Variants in ABCC4 observed in about 807,000 individuals in gnomAD.
The protein encoded by ABCC4 is ATP binding cassette subfamily C member 4 (PEL blood group), also known as ATP-binding cassette sub-family C member 4.
Under a neutral mutation model 168.5 loss-of-function variants are expected in ABCC4, and 102 were observed. The observed-to-expected ratio is 0.61, with a 90% CI of 0.52 to 0.71. The LOEUF is 0.71. Among genes scored for constraint, ABCC4 ranks in the 30% least tolerant of loss-of-function variants. The pLI, the probability that ABCC4 is intolerant of heterozygous loss-of-function variation, is 0.00. For missense variants in ABCC4, 1,402 were observed against 1,605.8 expected (o/e 0.87, Z 2.17); for synonymous variants, 617 against 590.7 (o/e 1.04, Z -0.65).
chr13:95,185,630 C>CATTT (rs1396482750), intron 11 of ABCC4, among the ~76,000 whole-genome samples: 2 of 150,938 alleles, frequency 1.3e-5, no homozygotes, highest in African/African-American at 5.0e-5. Flanking sequence ...GTCCAGGCCA[C>CATTT]ACTGCACAGG....
At chr13:95,164,552 A>T (rs1343529504) in intron 15 of ABCC4, 34 bp from the exon 16 acceptor site, 1 of 1,612,114 alleles carries the variant, frequency 6.2e-7, no homozygotes, top group African/African-American at 1.3e-5. Flanking sequence ...GAGACAAAAC[A>T]GTATACAAAA....
chr13:95,211,125 A>C (rs546480005), intron 4 of ABCC4, among the ~76,000 whole-genome samples: 2 of 152,360 alleles, frequency 1.3e-5, no homozygotes, highest in African/African-American at 4.8e-5. Flanking sequence ...CAGAGGAACA[A>C]AATGAGAGGA....
At chr13:95,181,089 C>T (rs780321105) in intron 11 of ABCC4, among the ~76,000 whole-genome samples, 8 of 152,212 alleles carry the variant, frequency 5.3e-5, no homozygotes, top group African/African-American at 1.4e-4. Context: ...ATCTCATGCA[C>T]GTTAGGTACC....
chr13:95,268,682 A>G (rs2040752433), intron 1 of ABCC4, among the ~76,000 whole-genome samples: 1 of 152,198 alleles, frequency 6.6e-6, no homozygotes, highest in Admixed American at 6.5e-5. Flanking sequence ...ACATCAAAGC[A>G]CACAGCACCT....
Position 95,071,680 on chromosome 13 carries a change from G to A in ABCC4, c.3192C>T (p.Leu1064=), listed in dbSNP as rs367780280. The A allele has an allele frequency of 3.9e-5, 58 of 1,471,198 alleles. No homozygotes were observed. The highest frequency in any genetic ancestry group is 7.6e-5 in the Admixed American group (3 of 39,416). 91.1% of individuals were successfully genotyped at this position (1,471,198 alleles called of 1,614,324 possible). The part of the protein sequence containing the change: ...GPLVLKHLTA[L]IKSQEKVGIV... ...AACAAACCTTTTCTTGTGATTTAAT[G>A]AGTGCTGTCAGATGCTTCAGTACCA... is the stretch of plus-strand genomic sequence containing the variant. Residue 1064 remains leucine (L), a synonymous_variant, in exon 25 of 31, where the codon CTC becomes CTT. Coordinates refer to ENST00000645237, the MANE Select transcript of ABCC4 (RefSeq NM_005845.5).
At chr13:95,190,676 G>GAC (rs2038224898) in intron 9 of ABCC4, among the ~76,000 whole-genome samples, 1 of 152,154 alleles carries the variant, frequency 6.6e-6, no homozygotes, top group African/African-American at 2.4e-5. Context: ...TCCAAACCCA[G>GAC]ACATCAACAC....
At chr13:95,143,947 T>C (rs867717232) in intron 19 of ABCC4, among the ~76,000 whole-genome samples, 5 of 152,336 alleles carry the variant, frequency 3.3e-5, no homozygotes, top group South Asian at 4.1e-4. Context: ...AGCAAGTTTA[T>C]GTAACAGCTG....
intron 4 of ABCC4, 49 bp downstream of exon 4, chr13:95,234,561 C>T (rs1474638296): frequency 2.0e-6 from 3 of 1,481,082 alleles, no homozygotes; most frequent in Non-Finnish European, 2.8e-6. Context: ...CCTCAGAATG[C>T]TTCTGATGCT....
chr13:95,275,090 A>G (rs1296197562), intron 1 of ABCC4, among the ~76,000 whole-genome samples: 1 of 152,190 alleles, frequency 6.6e-6, no homozygotes, highest in Non-Finnish European at 1.5e-5. Context: ...AAATAAAATA[A>G]AACAGGTTTT....
At chr13:95,219,266 C>A (rs2039244045) in intron 4 of ABCC4, among the ~76,000 whole-genome samples, 1 of 152,128 alleles carries the variant, frequency 6.6e-6, no homozygotes, top group South Asian at 2.1e-4. Flanking sequence ...AAAACAAGCC[C>A]CAACTGAACT....
rs182308522 is a variant in ABCC4 at position 95,234,850 on chromosome 13, G to A, written c.307-16C>T. 1,043 of 1,506,762 alleles carry A rather than the reference G, an allele frequency of 6.9e-4. 1 individual carries two copies. Among genetic ancestry groups the A allele is most frequent in the South Asian group, 1.6e-3 (127 of 81,040 alleles). 93.3% of individuals were successfully genotyped at this position (1,506,762 alleles called of 1,614,324 possible). ...TGGCACTTTCCTAAAAGAAGAAAAA[G>A]AAAAGCCTTTAATTAGACATACAGA... On this transcript the variant is annotated splice_polypyrimidine_tract_variant and intron_variant, in intron 3 of 30. Transcript: ENST00000645237.
chr13:95,164,221 C>T (rs4148502), intron 16 of ABCC4, among the ~76,000 whole-genome samples, 157 bp downstream of exon 16: 1,757 of 152,142 alleles, frequency 0.012, 99 homozygotes, highest in Admixed American at 0.09. Flanking sequence ...GTCTTTGTAA[C>T]GGACATGGAA....
At chr13:95,065,837 T>C (rs377385902) in intron 25 of ABCC4, among the ~76,000 whole-genome samples, 1 of 152,340 alleles carries the variant, frequency 6.6e-6, no homozygotes, top group East Asian at 1.9e-4. Context: ...TTAATCAACA[T>C]TAGTTTGATT....
At chr13:95,290,020 C>CGGGAGGCAGAGGTTGCG (rs1203756341) in intron 1 of ABCC4, among the ~76,000 whole-genome samples, 2 of 151,780 alleles carry the variant, frequency 1.3e-5, no homozygotes, top group Non-Finnish European at 2.9e-5. Flanking sequence ...TGCTTGAACC[C>CGGGAGGCAGAGGTTGCG]GGGAGGCAGA....
chr13:95,142,366 T>C (rs1193029890), intron 19 of ABCC4, among the ~76,000 whole-genome samples: 2 of 152,148 alleles, frequency 1.3e-5, no homozygotes, highest in Non-Finnish European at 2.9e-5. Context: ...AACTCATAAG[T>C]AGGAGCTAAG....
At chr13:95,067,238 A>G (rs1460251091) in intron 25 of ABCC4, among the ~76,000 whole-genome samples, 1 of 152,226 alleles carries the variant, frequency 6.6e-6, no homozygotes, top group Non-Finnish European at 1.5e-5. Context: ...GAAGACAGAG[A>G]TGACCGGAAA....
At chr13:95,278,054 G>A (rs557657147) in intron 1 of ABCC4, among the ~76,000 whole-genome samples, 4 of 152,128 alleles carry the variant, frequency 2.6e-5, no homozygotes, top group Non-Finnish European at 5.9e-5. Context: ...ACCCCACCGC[G>A]GTCAACCCAG....
intron 19 of ABCC4, among the ~76,000 whole-genome samples, chr13:95,132,729 T>C (rs951073953): frequency 6.6e-6 from 1 of 152,188 alleles, no homozygotes; most frequent in African/African-American, 2.4e-5. Context: ...GCAATATTAT[T>C]CAGCTTTAAG....
At chr13:95,079,636 A>G (rs753956090) in intron 21 of ABCC4, among the ~76,000 whole-genome samples, 9 of 152,176 alleles carry the variant, frequency 5.9e-5, no homozygotes, top group Non-Finnish European at 8.8e-5. Flanking sequence ...GGAGTTCGAG[A>G]CCAGCCTGAT....
Sources: allele counts gnomAD v4.1 joint callset (sites outside exome capture counted in the v4.1 genomes callset), GRCh38; gene constraint gnomAD v4.1.1; transcripts MANE v1.5; gene names NCBI Gene and HGNC (gene_info 2026-07-23, HGNC 2026-07-21).